Variants in DLGAP2 observed in about 807,000 individuals in gnomAD.
DLGAP2 encodes the protein DLG associated protein 2, also known as disks large-associated protein 2.
DLGAP2 carries 26 observed loss-of-function variants against 100.3 expected under a neutral mutation model. The observed-to-expected ratio is 0.26, with a 90% CI of 0.19 to 0.36. The LOEUF (loss-of-function observed/expected upper bound fraction) is 0.36. Among genes scored for constraint, DLGAP2 ranks in the 10% least tolerant of loss-of-function variants. The probability of loss-of-function intolerance (pLI) is 1.00; values close to 1 mark genes in which losing one functional copy is unlikely to be tolerated. For missense variants in DLGAP2, 1,858 were observed against 1,453.2 expected (o/e 1.28, Z -4.53); for synonymous variants, 886 against 630.1 (o/e 1.41, Z -6.08).
chr8:1,099,827 T>C (rs564914516), intron 2 of DLGAP2, among the ~76,000 whole-genome samples: 2 of 152,356 alleles, frequency 1.3e-5, no homozygotes, highest in South Asian at 4.1e-4. Context: ...TTAAATGTGA[T>C]AATTCCTTCT....
At chr8:787,654 G>T (rs947505313) in intron 1 of DLGAP2, among the ~76,000 whole-genome samples, 3 of 152,150 alleles carry the variant, frequency 2.0e-5, no homozygotes, top group African/African-American at 7.2e-5. Context: ...TTCCCCCCTT[G>T]GCCTTGTCTT....
chr8:1,500,852 T>C (rs184172771), intron 3 of DLGAP2, among the ~76,000 whole-genome samples: 1 of 152,256 alleles, frequency 6.6e-6, no homozygotes, highest in African/African-American at 2.4e-5. Context: ...AAAGTGGACC[T>C]AATATGAACT....
intron 2 of DLGAP2, among the ~76,000 whole-genome samples, chr8:1,203,013 C>G (rs2116764013): frequency 6.6e-6 from 1 of 152,304 alleles, no homozygotes; most frequent in South Asian, 2.1e-4. Flanking sequence ...TCGCCACCAC[C>G]CCATCCATCT....
rs148981910 is a variant in DLGAP2, at chr8:1,438,596, C to G, written c.107-62770C>G. ...ATCGAAAATATTTTAGTGAAACTAGCAGTGAGGAAAGAACCGAGAACTATT... is the reference window on the plus strand; with the variant it reads ...ATCGAAAATATTTTAGTGAAACTAGGAGTGAGGAAAGAACCGAGAACTATT... On this transcript the variant is annotated intron_variant, in intron 3 of 14. Transcript: ENST00000637795. 1.0e-3 allele frequency among the ~76,000 whole-genome samples: 158 copies of G among 152,192 alleles called. No individual in the cohort carries two copies. In the East Asian group the frequency reaches 0.017, roughly 16 times the overall value.
chr8:1,234,299 A>C (rs74503281), intron 2 of DLGAP2, among the ~76,000 whole-genome samples: 2,383 of 152,244 alleles, frequency 0.016, 29 homozygotes, highest in Non-Finnish European at 0.023. Flanking sequence ...GTCTGAAATC[A>C]GGGTGTCTGC....
chr8:873,034 T>C (rs1212809066), intron 1 of DLGAP2, among the ~76,000 whole-genome samples: 2 of 152,236 alleles, frequency 1.3e-5, no homozygotes, highest in African/African-American at 4.8e-5. Context: ...ACTATGTGCA[T>C]GTATGCATGT....
At chr8:1,077,053 G>A (rs1438991238) in intron 2 of DLGAP2, among the ~76,000 whole-genome samples, 2 of 152,012 alleles carry the variant, frequency 1.3e-5, no homozygotes, top group African/African-American at 4.8e-5. Context: ...GAGGGTGGAG[G>A]AGTCTGTCCC....
intron 4 of DLGAP2, among the ~76,000 whole-genome samples, chr8:1,518,090 T>C (rs1800456779): frequency 6.6e-6 from 1 of 152,230 alleles, no homozygotes; most frequent in Non-Finnish European, 1.5e-5. Flanking sequence ...GTCTGGTGCA[T>C]CTCAGACAGC....
At chr8:1,095,704 C>T (rs181271490) in intron 2 of DLGAP2, among the ~76,000 whole-genome samples, 246 of 152,294 alleles carry the variant, frequency 1.6e-3, no homozygotes, top group Non-Finnish European at 2.9e-3. Context: ...CAAAACAGTC[C>T]CGTGCTGGAG....
chr8:843,396 GC>G (rs1797017355), intron 1 of DLGAP2, among the ~76,000 whole-genome samples: 1 of 152,234 alleles, frequency 6.6e-6, no homozygotes, highest in Non-Finnish European at 1.5e-5. Context: ...GTTCACGGGG[GC>G]TGTCTTTACG....
chr8:1,701,458 T>C lies in DLGAP2; in HGVS notation c.*52T>C, dbSNP rs1181692910. 8 of 1,521,670 alleles carry C rather than the reference T, an allele frequency of 5.3e-6. No homozygotes were observed. Among genetic ancestry groups the C allele is most frequent in the Admixed American group, 2.0e-5 (1 of 49,126 alleles). 94.3% of individuals were successfully genotyped at this position (1,521,670 alleles called of 1,614,324 possible). A position where few individuals can be genotyped will look rare whatever the true frequency, so the allele number is the denominator to read the frequency against. ...TCGCTTCCGCTTTCCCGGACGCTTG[T>C]GCAGCGCGGCGCCGCCCTGGTGGTT... On this transcript the variant is annotated 3_prime_UTR_variant, in exon 15 of 15. Coordinates refer to ENST00000637795, the MANE Select transcript of DLGAP2 (RefSeq NM_001346810.2).
intron 1 of DLGAP2, among the ~76,000 whole-genome samples, chr8:848,431 T>G (rs1339163396): frequency 1.6e-5 from 1 of 63,082 alleles, no homozygotes; most frequent in African/African-American, 6.2e-5. Flanking sequence ...CAGTGTAGGG[T>G]CGTGCGGTGC....
intron 2 of DLGAP2, among the ~76,000 whole-genome samples, chr8:1,237,531 C>A (rs1424871386): frequency 8.3e-6 from 1 of 120,338 alleles, no homozygotes; most frequent in Non-Finnish European, 1.7e-5. Flanking sequence ...CACAGAGCAT[C>A]GTGTCTAGTT....
intron 1 of DLGAP2, among the ~76,000 whole-genome samples, chr8:812,465 G>A (rs1796390510): frequency 6.6e-6 from 1 of 152,190 alleles, no homozygotes; most frequent in African/African-American, 2.4e-5. Context: ...CTTCCCAAGA[G>A]GAATGTAAAA....
At chr8:1,523,705 A>G (rs761615282) in intron 4 of DLGAP2, among the ~76,000 whole-genome samples, 9 of 152,170 alleles carry the variant, frequency 5.9e-5, no homozygotes, top group Admixed American at 2.0e-4. Flanking sequence ...CAATTATGGC[A>G]CTAATCATGT....
chr8:1,134,216 A>C (rs564036133), intron 2 of DLGAP2, among the ~76,000 whole-genome samples: 6 of 152,326 alleles, frequency 3.9e-5, no homozygotes, highest in African/African-American at 1.4e-4. Flanking sequence ...TACATGTACC[A>C]CATTTTCTTA....
At chr8:1,537,837 T>C (rs1428436323) in intron 4 of DLGAP2, among the ~76,000 whole-genome samples, 1 of 152,120 alleles carries the variant, frequency 6.6e-6, no homozygotes, top group Non-Finnish European at 1.5e-5. Flanking sequence ...AAAGTGCAGA[T>C]AAAATTCTAA....
intron 2 of DLGAP2, among the ~76,000 whole-genome samples, chr8:1,150,879 C>T (rs1046887765): frequency 7.2e-5 from 11 of 152,068 alleles, no homozygotes; most frequent in Non-Finnish European, 5.9e-5. Flanking sequence ...GTTTTTCTGA[C>T]TTTAAAAATA....
intron 2 of DLGAP2, among the ~76,000 whole-genome samples, chr8:1,148,593 C>G (rs1055779879): frequency 6.6e-6 from 1 of 151,918 alleles, no homozygotes; most frequent in Admixed American, 6.5e-5. Flanking sequence ...CTTTAGCTGC[C>G]TCTCGAGTAT....
Sources: allele counts gnomAD v4.1 joint callset (sites outside exome capture counted in the v4.1 genomes callset), GRCh38; gene constraint gnomAD v4.1.1; transcripts MANE v1.5; gene names NCBI Gene and HGNC (gene_info 2026-07-23, HGNC 2026-07-21).